CDH22: variants seen among roughly 807,000 people sequenced by gnomAD.
The protein encoded by CDH22 is cadherin 22, also known as cadherin-22.
In CDH22, 30 loss-of-function variants were observed where a neutral mutation model predicts 58.4. That is an observed-to-expected ratio of 0.51 (90% CI 0.38 to 0.70). CDH22 has a LOEUF of 0.70. Among genes scored for constraint, CDH22 ranks in the 30% least tolerant of loss-of-function variants. The pLI is 0.00. For missense variants in CDH22, 1,014 were observed against 1,233.9 expected, an observed-to-expected ratio of 0.82 and a Z score of 2.67; for synonymous variants, 513 against 558.2, an observed-to-expected ratio of 0.92 and a Z score of 1.14.
intron 1 of CDH22, among the ~76,000 whole-genome samples, chr20:46,275,330 C>T (rs2086512481): frequency 6.6e-6 from 1 of 152,186 alleles, no homozygotes; most frequent in Non-Finnish European, 1.5e-5. Context: ...GCTCCTTTCC[C>T]CATATCTGTG....
At chr20:46,212,135 A>G (rs1016259009) in intron 6 of CDH22, among the ~76,000 whole-genome samples, 1 of 152,212 alleles carries the variant, frequency 6.6e-6, no homozygotes, top group Non-Finnish European at 1.5e-5. Flanking sequence ...CTTGCTGAGC[A>G]AAAGAAGGAC....
chr20:46,240,935 TCC>T (rs2086284950), intron 3 of CDH22, 26 bp downstream of exon 3: 1 of 1,593,272 alleles, frequency 6.3e-7, no homozygotes, highest in South Asian at 1.1e-5. Context: ...CTTGATCCCA[TCC>T]CCCACCCCCA....
intron 3 of CDH22, among the ~76,000 whole-genome samples, chr20:46,239,384 C>A (rs1236725399): frequency 6.6e-6 from 1 of 152,224 alleles, no homozygotes; most frequent in Non-Finnish European, 1.5e-5. Flanking sequence ...GCATGCATTC[C>A]TGTGTGTGTA....
chr20:46,181,703 TTTTC>T (rs1325561377), intron 10 of CDH22, among the ~76,000 whole-genome samples: 1 of 112,762 alleles, frequency 8.9e-6, no homozygotes, highest in East Asian at 2.4e-4. Context: ...TTTTCTTTTC[TTTTC>T]TTTCTTTTTT....
At chr20:46,249,124 G>C (rs140692937) in intron 2 of CDH22, among the ~76,000 whole-genome samples, 105 of 152,338 alleles carry the variant, frequency 6.9e-4, no homozygotes, top group African/African-American at 2.3e-3. Flanking sequence ...CAGATGAAGA[G>C]ACTGAGTGTT....
intron 1 of CDH22, among the ~76,000 whole-genome samples, chr20:46,303,317 C>T (rs1048755735): frequency 6.6e-6 from 1 of 152,160 alleles, no homozygotes; most frequent in African/African-American, 2.4e-5. Context: ...TCCTTTATCC[C>T]ATAGATAACT....
chr20:46,182,350 G>C (rs2085795305), intron 10 of CDH22, among the ~76,000 whole-genome samples: 1 of 152,202 alleles, frequency 6.6e-6, no homozygotes, highest in Non-Finnish European at 1.5e-5. Flanking sequence ...TAAAATGCAG[G>C]AGTCGATGTG....
At position 46,210,330 on chromosome 20, in the gene CDH22, G is replaced by A. The variant is rs2034665270; in HGVS notation, c.1263C>T (p.Pro421=). 8 of 1,454,574 alleles carry A rather than the reference G, an allele frequency of 5.5e-6. No homozygotes were observed. The highest frequency in any genetic ancestry group is 3.0e-5 in the East Asian group (1 of 33,312). 90.1% of individuals were successfully genotyped at this position (1,454,574 alleles called of 1,614,324 possible). A position where few individuals can be genotyped will look rare whatever the true frequency, so the allele number is the denominator to read the frequency against. Residue 421 remains proline (P), a synonymous_variant, in exon 7 of 12, where the codon CCC becomes CCT. Coordinates refer to ENST00000537909, the MANE Select transcript of CDH22 (RefSeq NM_021248.3). This position sits in a 1 kb window ranked among gnomAD's most constrained non-coding sequence, Gnocchi z 4.5. ...ACCGGACGGGCCGGTTGGCGGCGTC[G>A]GGGTCCCGCGCCGTCACCACGCCGA... ...SLVGVVTARD[P]DAANRPVRYA...
At chr20:46,219,242 C>G (rs2086107743) in intron 4 of CDH22, among the ~76,000 whole-genome samples, 2 of 152,176 alleles carry the variant, frequency 1.3e-5, no homozygotes, top group African/African-American at 4.8e-5. Context: ...CAGTAGGCCC[C>G]CTCCTGACCC....
At position 46,308,065 on chromosome 20, in the gene CDH22, C is replaced by T. The variant is rs146205835; in HGVS notation, c.-400+190G>A. On this transcript the variant is annotated intron_variant, in intron 1 of 11. Transcript: ENST00000537909. This position sits in a 1 kb window ranked among gnomAD's most constrained non-coding sequence, Gnocchi z 4.3. ...GTTTGGACGTGGGAAACTCCCTCCC[C>T]GCCCTCCCGGCCGAGAGGAGGGGGC... Among the ~76,000 whole-genome samples, 5,591 of 151,586 alleles carry T rather than the reference C, an allele frequency of 0.037. 146 individuals carry two copies. Among genetic ancestry groups the T allele is most frequent in the Non-Finnish European group, 0.056 (3,786 of 67,722 alleles).
rs148568192 is a variant in CDH22 at position 46,284,579 on chromosome 20, T to C, written c.-400+23676A>G. Among the ~76,000 whole-genome samples the C allele has an allele frequency of 3.6e-4, 55 of 152,308 alleles. 1 individual carries two copies. Among genetic ancestry groups the C allele is most frequent in the African/African-American group, 1.3e-3 (54 of 41,558 alleles). ...GGTGCAGACTCAGAGGTGGGGCCGA[T>C]GTTCAGCTAGCCCTGTCAGTTGTTT... On this transcript the variant is annotated intron_variant, in intron 1 of 11. Coordinates refer to ENST00000537909, the MANE Select transcript of CDH22 (RefSeq NM_021248.3).
At chr20:46,288,883 T>A (rs1255528416) in intron 1 of CDH22, among the ~76,000 whole-genome samples, 1 of 152,198 alleles carries the variant, frequency 6.6e-6, no homozygotes, top group Non-Finnish European at 1.5e-5. Context: ...TCCTAACTGG[T>A]ATCCCTGCTT....
intron 1 of CDH22, among the ~76,000 whole-genome samples, chr20:46,281,303 G>C (rs2425853): frequency 0.57 from 87,183 of 152,070 alleles, 26,728 homozygotes; most frequent in East Asian, 0.74. Flanking sequence ...GGGGCCCTGA[G>C]ATCCCTTCTA....
chr20:46,197,785 C>T (rs1300604885), intron 8 of CDH22, among the ~76,000 whole-genome samples: 1 of 152,192 alleles, frequency 6.6e-6, no homozygotes, highest in East Asian at 1.9e-4. Flanking sequence ...CTTTGTATTT[C>T]CTTTTAAACT....
At chr20:46,253,319 T>G (rs1293217842) in intron 1 of CDH22, among the ~76,000 whole-genome samples, 1 of 152,056 alleles carries the variant, frequency 6.6e-6, no homozygotes, top group African/African-American at 2.4e-5. Flanking sequence ...AGTTTCAGGG[T>G]GGGGAGTCAT....
chr20:46,213,841 G>C (rs995506209), intron 5 of CDH22, among the ~76,000 whole-genome samples: 3 of 152,118 alleles, frequency 2.0e-5, no homozygotes, highest in African/African-American at 7.2e-5. Context: ...AAATAAAATG[G>C]ACCAAAATCT....
intron 1 of CDH22, among the ~76,000 whole-genome samples, chr20:46,295,625 GAAGTCCAGCTTCCAAAATCC>G (rs2052156414): frequency 6.6e-6 from 1 of 152,200 alleles, no homozygotes; most frequent in Admixed American, 6.5e-5. Context: ...CAGAACCCAG[GAAGTCCAGCTTCCAAAATCC>G]AAGTCCAGCT....
intron 1 of CDH22, among the ~76,000 whole-genome samples, chr20:46,307,615 C>A (rs2059029858): frequency 6.6e-6 from 1 of 152,096 alleles, no homozygotes; most frequent in Non-Finnish European, 1.5e-5. Context: ...CCGGTGGGGC[C>A]GGCAGGGGTC....
intron 1 of CDH22, among the ~76,000 whole-genome samples, chr20:46,266,911 CTTT>C (rs3091411): frequency 5.0e-5 from 7 of 140,806 alleles, no homozygotes; most frequent in Admixed American, 7.0e-5. Flanking sequence ...CTATAGGGTG[CTTT>C]TTTTTTTTTT....
Sources: allele counts gnomAD v4.1 joint callset (sites outside exome capture counted in the v4.1 genomes callset), GRCh38; gene constraint gnomAD v4.1.1; non-coding constraint Gnocchi (gnomAD v3.1); transcripts MANE v1.5; gene names NCBI Gene and HGNC (gene_info 2026-07-23, HGNC 2026-07-21).